ROBO1: variants seen among roughly 807,000 people sequenced by gnomAD.
ROBO1 encodes roundabout homolog 1.
A neutral mutation model predicts 195.9 loss-of-function variants in ROBO1; 149 were observed. The ratio of observed to expected loss-of-function variants is 0.76; its 90% CI spans 0.67 to 0.87. The LOEUF (loss-of-function observed/expected upper bound fraction) is 0.87. Ranked by LOEUF, ROBO1 falls within the 40% of genes least tolerant of loss-of-function variation. The pLI is 0.00. For synonymous variants in ROBO1, 816 were observed against 733.2 expected, an observed-to-expected ratio of 1.11 and a Z score of -1.82; for missense variants, 1,933 against 2,068.3, an observed-to-expected ratio of 0.93 and a Z score of 1.27.
Position 79,337,066 on chromosome 3 carries a change from T to G in ROBO1, c.89-211527A>C, listed in dbSNP as rs576844781. Among the ~76,000 whole-genome samples the G allele has an allele frequency of 1.1e-3, 165 of 152,328 alleles. 4 individuals carry two copies. The South Asian group carries it at 0.034, about 31-fold the overall frequency. ...GGTGTATTTACTCAATGCCTGTACC[T>G]CCATTGTATTTAGGAAGTAACCAGC... On this transcript the variant is annotated intron_variant, in intron 2 of 30. Coordinates refer to ENST00000464233, the MANE Select transcript of ROBO1 (RefSeq NM_002941.4).
At chr3:79,445,523 A>G (rs2039219025) in intron 2 of ROBO1, among the ~76,000 whole-genome samples, 1 of 132,316 alleles carries the variant, frequency 7.6e-6, no homozygotes, top group Non-Finnish European at 1.6e-5. Flanking sequence ...TTATTGAGAC[A>G]GGGTCTTGCT....
At chr3:79,116,559 A>C (rs1576693634) in intron 3 of ROBO1, among the ~76,000 whole-genome samples, 4 of 130,422 alleles carry the variant, frequency 3.1e-5, no homozygotes, top group Admixed American at 2.7e-4. Context: ...TCACTTTGTC[A>C]CCCAGGCTGG....
At chr3:79,119,344 T>C (rs1387758694) in intron 3 of ROBO1, among the ~76,000 whole-genome samples, 7 of 152,200 alleles carry the variant, frequency 4.6e-5, no homozygotes, top group Admixed American at 3.9e-4. Context: ...CTACTACCTA[T>C]TGTCCATTAT....
At position 78,853,708 on chromosome 3, in the gene ROBO1, C is replaced by T. The variant is rs114363278; in HGVS notation, c.499+84893G>A. On this transcript the variant is annotated intron_variant, in intron 4 of 30. Transcript: ENST00000464233. The stretch of plus-strand genomic sequence containing the variant: ...GCTGTATTAGTCCATTTTCACGCTG[C>T]TGATAAAGACATACCTGAGACTGGG... Among the ~76,000 whole-genome samples the T allele has an allele frequency of 6.3e-3, 954 of 152,078 alleles. 13 individuals carry two copies. Among genetic ancestry groups the T allele is most frequent in the African/African-American group, 0.022 (911 of 41,482 alleles).
intron 4 of ROBO1, among the ~76,000 whole-genome samples, chr3:78,787,245 T>C (rs758081592): frequency 7.9e-5 from 12 of 152,340 alleles, no homozygotes; most frequent in Admixed American, 2.6e-4. Context: ...TAATCTATAA[T>C]AACACTAATC....
chr3:79,380,302 C>T (rs1171384905), intron 2 of ROBO1, among the ~76,000 whole-genome samples: 1 of 151,960 alleles, frequency 6.6e-6, no homozygotes, highest in East Asian at 1.9e-4. Context: ...ACAGTTAATC[C>T]CTCTATGCAA....
intron 4 of ROBO1, among the ~76,000 whole-genome samples, chr3:78,798,875 T>A (rs1221538432): frequency 6.6e-6 from 1 of 152,144 alleles, no homozygotes; most frequent in African/African-American, 2.4e-5. Flanking sequence ...AGGTAAGATG[T>A]GAATGGCGAC....
At chr3:79,017,617 A>G (rs2077982827) in intron 3 of ROBO1, among the ~76,000 whole-genome samples, 1 of 152,034 alleles carries the variant, frequency 6.6e-6, no homozygotes, top group African/African-American at 2.4e-5. Context: ...TATGAAAACT[A>G]TTTACAAGTG....
intron 10 of ROBO1, among the ~76,000 whole-genome samples, chr3:78,674,047 C>T (rs1708253332): frequency 6.6e-6 from 1 of 152,100 alleles, no homozygotes; most frequent in African/African-American, 2.4e-5. Context: ...AAATATAACA[C>T]TCTTTGCACT....
At chr3:79,240,253 T>C (rs565149019) in intron 2 of ROBO1, among the ~76,000 whole-genome samples, 1 of 152,312 alleles carries the variant, frequency 6.6e-6, no homozygotes, top group South Asian at 2.1e-4. Flanking sequence ...TGGCTTATTT[T>C]ACTTAGCACA....
chr3:79,281,404 A>G (rs1415594070), intron 2 of ROBO1, among the ~76,000 whole-genome samples: 2 of 152,154 alleles, frequency 1.3e-5, no homozygotes, highest in African/African-American at 4.8e-5. Flanking sequence ...CACATTTCAC[A>G]TATTCTATAT....
chr3:78,885,548 G>A (rs1475232271), intron 4 of ROBO1, among the ~76,000 whole-genome samples: 2 of 147,998 alleles, frequency 1.4e-5, no homozygotes, highest in Non-Finnish European at 3.0e-5. Context: ...TATTGGTAAA[G>A]TAATAACAAT....
At chr3:78,975,149 C>T (rs1029203917) in intron 3 of ROBO1, among the ~76,000 whole-genome samples, 17 of 152,066 alleles carry the variant, frequency 1.1e-4, no homozygotes, top group East Asian at 1.9e-4. Flanking sequence ...GTTAAGGAAA[C>T]GGGTCCTGCC....
intron 3 of ROBO1, among the ~76,000 whole-genome samples, chr3:79,030,219 C>G (rs1390262998): frequency 1.3e-5 from 2 of 152,176 alleles, no homozygotes; most frequent in Non-Finnish European, 2.9e-5. Context: ...TAATCCCTCC[C>G]CATTGACATT....
intron 2 of ROBO1, among the ~76,000 whole-genome samples, chr3:79,250,678 A>G (rs1312258891): frequency 6.6e-6 from 1 of 152,208 alleles, no homozygotes; most frequent in Non-Finnish European, 1.5e-5. Flanking sequence ...TAAAATAACC[A>G]GAATAATAAA....
intron 2 of ROBO1, among the ~76,000 whole-genome samples, chr3:79,255,259 G>C: frequency 6.6e-6 from 1 of 152,160 alleles, no homozygotes; most frequent in East Asian, 1.9e-4. Context: ...GGGAGGCTGA[G>C]GCTGGAGGAT....
chr3:78,841,968 T>C (rs1559912963), intron 4 of ROBO1, among the ~76,000 whole-genome samples: 1 of 151,890 alleles, frequency 6.6e-6, no homozygotes. Flanking sequence ...TTTGTCACTA[T>C]GTAAGGATAT....
Position 79,252,197 on chromosome 3 carries a change from T to C in ROBO1, c.89-126658A>G, listed in dbSNP as rs2082743189. ...TTATTAATATTAAATATACAACTTA[T>C]TATGTGTATTTGGGTTGGATAGTGT... On this transcript the variant is annotated intron_variant, in intron 2 of 30. Coordinates refer to ENST00000464233, the MANE Select transcript of ROBO1 (RefSeq NM_002941.4). 2.0e-5 allele frequency among the ~76,000 whole-genome samples: 3 copies of C among 152,122 alleles called. 1 individual carries two copies. The South Asian group carries it at 6.2e-4, about 31-fold the overall frequency.
At chr3:78,897,421 C>T (rs1310172067) in intron 4 of ROBO1, among the ~76,000 whole-genome samples, 1 of 152,172 alleles carries the variant, frequency 6.6e-6, no homozygotes, top group African/African-American at 2.4e-5. Context: ...TGGAATCGCT[C>T]TTATATATCC....
Sources: allele counts gnomAD v4.1 joint callset (sites outside exome capture counted in the v4.1 genomes callset), GRCh38; gene constraint gnomAD v4.1.1; transcripts MANE v1.5; gene names NCBI Gene and HGNC (gene_info 2026-07-23, HGNC 2026-07-21).